Variants in UBR3 observed in about 807,000 individuals in gnomAD.
UBR3 encodes the protein ubiquitin protein ligase E3 component n-recognin 3, also known as E3 ubiquitin-protein ligase UBR3.
A neutral mutation model predicts 243.2 loss-of-function variants in UBR3; 85 were observed. That is an observed-to-expected ratio of 0.35 (90% CI 0.29 to 0.42). The LOEUF (loss-of-function observed/expected upper bound fraction) is 0.42. UBR3 is among the 10% of genes least tolerant of loss of function. The pLI is 1.00. For synonymous variants in UBR3, 748 were observed against 799.8 expected (o/e 0.94, Z 1.09); for missense variants, 1,686 against 2,300.8 (o/e 0.73, Z 5.47).
At chr2:170,081,625 G>A in intron 38 of UBR3, 101 bp from the exon 39 acceptor site, 1 of 763,918 alleles carries the variant, frequency 1.3e-6, no homozygotes, top group Non-Finnish European at 2.0e-6. Context: ...AGGAGGCGGA[G>A]GTTGCACTGC....
intron 5 of UBR3, among the ~76,000 whole-genome samples, chr2:169,884,532 A>G (rs1477510466): frequency 6.6e-6 from 1 of 152,202 alleles, no homozygotes; most frequent in Non-Finnish European, 1.5e-5. Context: ...AACAAAATAT[A>G]TTTTTGAATT....
At chr2:170,060,114 G>A (rs968162869) in intron 33 of UBR3, among the ~76,000 whole-genome samples, 3 of 152,128 alleles carry the variant, frequency 2.0e-5, no homozygotes, top group African/African-American at 7.2e-5. Flanking sequence ...ATTCTGTGGT[G>A]TTTATCCCTT....
At chr2:169,859,776 G>A (rs1406990381) in intron 1 of UBR3, among the ~76,000 whole-genome samples, 1 of 151,884 alleles carries the variant, frequency 6.6e-6, no homozygotes, top group East Asian at 1.9e-4. Flanking sequence ...GAGTGCAGTC[G>A]CATGATCTTG....
At chr2:169,982,984 T>C (rs1340353316) in intron 24 of UBR3, among the ~76,000 whole-genome samples, 1 of 152,140 alleles carries the variant, frequency 6.6e-6, no homozygotes, top group Non-Finnish European at 1.5e-5. Flanking sequence ...GGGGCTGCCA[T>C]GAGCTGGTGA....
At chr2:169,934,977 G>C (rs1312826237) in intron 19 of UBR3, among the ~76,000 whole-genome samples, 1 of 152,136 alleles carries the variant, frequency 6.6e-6, no homozygotes, top group Non-Finnish European at 1.5e-5. Flanking sequence ...AGTGAAAGTG[G>C]CTCATCCTGC....
chr2:170,023,535 A>C (rs937290984), intron 30 of UBR3, among the ~76,000 whole-genome samples: 41 of 150,810 alleles, frequency 2.7e-4, no homozygotes, highest in Admixed American at 2.7e-3. Context: ...TCAGCCTCCA[A>C]AGTAGCTGGG....
chr2:169,891,613 G>GACACACACACACACACAC (rs3082964), intron 6 of UBR3, among the ~76,000 whole-genome samples: 5 of 148,810 alleles, frequency 3.4e-5, no homozygotes, highest in African/African-American at 1.2e-4. Flanking sequence ...GAGAGACAGA[G>GACACACACACACACACAC]ACACACACAC....
chr2:170,070,824 G>A (rs907848769), intron 35 of UBR3, among the ~76,000 whole-genome samples: 1 of 152,106 alleles, frequency 6.6e-6, no homozygotes. Flanking sequence ...TATTAAAAGA[G>A]TAACATTTAT....
rs77664640 is a variant in UBR3 at position 169,925,155 on chromosome 2, A to G, written c.2023-464A>G. On this transcript the variant is annotated intron_variant, in intron 13 of 38. Transcript: ENST00000272793. Reference sequence around the variant, plus strand: ...AACCTCCAATATTTGGAAAATTAGCAGTATAGATTTAAGATTGAGTTAGGG... The same window carrying G: ...AACCTCCAATATTTGGAAAATTAGCGGTATAGATTTAAGATTGAGTTAGGG... Among the ~76,000 whole-genome samples the G allele has an allele frequency of 8.3e-4, 127 of 152,370 alleles. 1 individual carries two copies. The East Asian group carries it at 0.023, about 28-fold the overall frequency.
intron 36 of UBR3, among the ~76,000 whole-genome samples, chr2:170,079,552 TAAC>T (rs993062031): frequency 9.8e-5 from 15 of 152,294 alleles, no homozygotes; most frequent in African/African-American, 3.6e-4. Flanking sequence ...TTTAAAGTAA[TAAC>T]AAGTTTAAAT....
At chr2:169,849,290 ATAAC>A (rs1237396000) in intron 1 of UBR3, among the ~76,000 whole-genome samples, 1 of 152,250 alleles carries the variant, frequency 6.6e-6, no homozygotes, top group Non-Finnish European at 1.5e-5. Flanking sequence ...TTGTTTTTCA[ATAAC>A]TAACATATAG....
intron 23 of UBR3, among the ~76,000 whole-genome samples, chr2:169,951,773 T>TA (rs762639017): frequency 1.3e-5 from 2 of 152,014 alleles, no homozygotes; most frequent in Non-Finnish European, 2.9e-5. Flanking sequence ...GGGTCTGAAC[T>TA]AAGACAGTGA....
At chr2:169,836,031 CTCTCTCTCTCTCTA>C (rs1449676211) in intron 1 of UBR3, among the ~76,000 whole-genome samples, 494 of 25,180 alleles carry the variant, frequency 0.02, 36 homozygotes, top group Admixed American at 0.03. Context: ...CTCTCTCTCT[CTCTCTCTCTCTCTA>C]TATATATATA....
chr2:169,835,996 TC>T (rs57066932), intron 1 of UBR3, among the ~76,000 whole-genome samples: 10,364 of 33,530 alleles, frequency 0.31, 1,398 homozygotes, highest in African/African-American at 0.5. Context: ...GTGCACTGTC[TC>T]TCTCTCTCTC....
At chr2:169,842,242 C>T (rs905044865) in intron 1 of UBR3, among the ~76,000 whole-genome samples, 8 of 151,982 alleles carry the variant, frequency 5.3e-5, no homozygotes, top group Admixed American at 3.3e-4. Context: ...TAGCTGCTCT[C>T]GTGGGGCCTT....
intron 25 of UBR3, among the ~76,000 whole-genome samples, chr2:169,993,463 A>C (rs1369335032): frequency 6.6e-6 from 1 of 152,214 alleles, no homozygotes; most frequent in African/African-American, 2.4e-5. Flanking sequence ...AATTTAGAAC[A>C]GTTTCTCTAG....
intron 1 of UBR3, among the ~76,000 whole-genome samples, chr2:169,855,576 C>T (rs935219097): frequency 6.6e-6 from 1 of 152,070 alleles, no homozygotes; most frequent in African/African-American, 2.4e-5. Flanking sequence ...TGCCTTTAAG[C>T]ATCTGTTTAA....
intron 1 of UBR3, among the ~76,000 whole-genome samples, chr2:169,863,619 G>T (rs191590223): frequency 1.3e-5 from 2 of 152,130 alleles, no homozygotes; most frequent in African/African-American, 4.8e-5. Context: ...TATACCAGTT[G>T]TCTAGAAAGC....
intron 1 of UBR3, among the ~76,000 whole-genome samples, chr2:169,829,733 GT>G (rs1301304674): frequency 3.3e-5 from 5 of 151,986 alleles, no homozygotes; most frequent in African/African-American, 1.2e-4. Context: ...CAACATTTGA[GT>G]TCTTGAACTG....
Sources: gnomAD v4.1 joint callset for allele counts (sites outside exome capture counted in the v4.1 genomes callset) on GRCh38, gnomAD v4.1.1 for gene constraint, MANE v1.5 for transcripts, NCBI Gene and HGNC (gene_info 2026-07-23, HGNC 2026-07-21) for gene names.